GLRA3: variants seen among roughly 807,000 people sequenced by gnomAD.
The protein encoded by GLRA3 is glycine receptor subunit alpha-3.
A neutral mutation model predicts 60.4 loss-of-function variants in GLRA3; 44 were observed. The observed-to-expected ratio is 0.73, with a 90% CI of 0.57 to 0.94. GLRA3 has a LOEUF of 0.94. Ranked by LOEUF, GLRA3 falls within the 40% of genes least tolerant of loss-of-function variation. GLRA3 has a pLI of 0.00. For synonymous variants in GLRA3, 223 were observed against 192.9 expected (o/e 1.16, Z -1.29); for missense variants, 508 against 564.6 (o/e 0.90, Z 1.02).
chr4:174,819,182 A>G (rs1740635757), intron 1 of GLRA3, among the ~76,000 whole-genome samples: 1 of 152,228 alleles, frequency 6.6e-6, no homozygotes, highest in Non-Finnish European at 1.5e-5. Context: ...CACCAACTGG[A>G]CAAGTGAATA....
intron 2 of GLRA3, among the ~76,000 whole-genome samples, chr4:174,779,415 T>C (rs1273660026): frequency 1.3e-5 from 2 of 152,146 alleles, no homozygotes; most frequent in East Asian, 1.9e-4. Flanking sequence ...GACTCTCCTC[T>C]TCCAAAGGAA....
At chr4:174,674,535 G>C (rs991819860) in intron 7 of GLRA3, among the ~76,000 whole-genome samples, 9 of 152,104 alleles carry the variant, frequency 5.9e-5, no homozygotes, top group Admixed American at 5.2e-4. Context: ...CTAGAAGCTG[G>C]CTAAAGTACA....
At chr4:174,648,187 G>A (rs1194554069) in intron 9 of GLRA3, among the ~76,000 whole-genome samples, 1 of 152,154 alleles carries the variant, frequency 6.6e-6, no homozygotes, top group Non-Finnish European at 1.5e-5. Flanking sequence ...AGGACTGAGT[G>A]TGGCAGCTTA....
intron 3 of GLRA3, among the ~76,000 whole-genome samples, chr4:174,742,179 A>T (rs1737055105): frequency 6.6e-6 from 1 of 152,204 alleles, no homozygotes; most frequent in African/African-American, 2.4e-5. Context: ...GACAAGCTAA[A>T]ATTGAATCTG....
chr4:174,766,830 T>A (rs1738159998), intron 3 of GLRA3, 133 bp downstream of exon 3: 3 of 535,176 alleles, frequency 5.6e-6, no homozygotes, highest in Non-Finnish European at 1.0e-5. Context: ...GTGACTGTAA[T>A]TTAATTATAC....
intron 8 of GLRA3, among the ~76,000 whole-genome samples, chr4:174,658,683 G>C (rs1733306716): frequency 6.6e-6 from 1 of 152,028 alleles, no homozygotes; most frequent in Non-Finnish European, 1.5e-5. Flanking sequence ...CTCTGACAAA[G>C]GAACATGAAT....
At chr4:174,771,188 A>C in intron 2 of GLRA3, among the ~76,000 whole-genome samples, 1 of 152,058 alleles carries the variant, frequency 6.6e-6, no homozygotes, top group East Asian at 1.9e-4. Flanking sequence ...CATATGTAAC[A>C]AACCTGCACA....
chr4:174,680,319 C>T (rs1488179457), intron 6 of GLRA3, among the ~76,000 whole-genome samples: 1 of 151,938 alleles, frequency 6.6e-6, no homozygotes, highest in Non-Finnish European at 1.5e-5. Flanking sequence ...TGGCAGCAGA[C>T]CCCAGAAATA....
chr4:174,778,468 A>T (rs1221055915), intron 2 of GLRA3, among the ~76,000 whole-genome samples: 1 of 151,944 alleles, frequency 6.6e-6, no homozygotes, highest in Non-Finnish European at 1.5e-5. Context: ...CACAGGGGGG[A>T]TGAGCCAAGA....
intron 4 of GLRA3, among the ~76,000 whole-genome samples, chr4:174,720,498 A>T (rs1736090054): frequency 6.6e-6 from 1 of 152,184 alleles, no homozygotes; most frequent in African/African-American, 2.4e-5. Context: ...TTAGAAGTAA[A>T]GAGACTTAAC....
intron 1 of GLRA3, among the ~76,000 whole-genome samples, chr4:174,795,967 G>A (rs1739549413): frequency 6.6e-6 from 1 of 152,108 alleles, no homozygotes; most frequent in South Asian, 2.1e-4. Context: ...AGAAAATTCT[G>A]AAAAGATTAA....
intron 7 of GLRA3, among the ~76,000 whole-genome samples, chr4:174,661,260 A>C (rs1024271910): frequency 6.6e-6 from 1 of 152,090 alleles, no homozygotes; most frequent in Non-Finnish European, 1.5e-5. Context: ...ATCAAACATG[A>C]GCTTACATTA....
chr4:174,772,593 AAATAAG>A (rs1289482085), intron 2 of GLRA3, among the ~76,000 whole-genome samples: 7 of 152,234 alleles, frequency 4.6e-5, no homozygotes, highest in African/African-American at 1.4e-4. Flanking sequence ...ACATATGCAT[AAATAAG>A]AATAACTTAA....
chr4:174,818,655 C>T (rs1051535448), intron 1 of GLRA3, among the ~76,000 whole-genome samples: 3 of 152,066 alleles, frequency 2.0e-5, no homozygotes, highest in Non-Finnish European at 4.4e-5. Flanking sequence ...GTTTTAAGGT[C>T]TTTACAAAGA....
chr4:174,725,448 T>G (rs1332105518), intron 4 of GLRA3, among the ~76,000 whole-genome samples: 1 of 152,222 alleles, frequency 6.6e-6, no homozygotes, highest in Non-Finnish European at 1.5e-5. Context: ...AAATTTATCA[T>G]GGCTACTTTA....
intron 4 of GLRA3, among the ~76,000 whole-genome samples, chr4:174,716,205 C>T (rs1321911085): frequency 2.0e-5 from 3 of 152,020 alleles, no homozygotes; most frequent in Non-Finnish European, 4.4e-5. Context: ...CCTCATGTTC[C>T]CCGGTGTGGG....
chr4:174,722,982 T>C (rs1736187799), intron 4 of GLRA3: 1 of 167,322 alleles, frequency 6.0e-6, no homozygotes, highest in Admixed American at 6.5e-5. Flanking sequence ...TCATTTGAAT[T>C]CATACTGAAA....
chr4:174,716,343 G>A (rs73004524), intron 4 of GLRA3, among the ~76,000 whole-genome samples: 140 of 152,194 alleles, frequency 9.2e-4, no homozygotes, highest in African/African-American at 3.2e-3. Flanking sequence ...CCAGTATTCC[G>A]CTCATTGGAA....
chr4:174,757,297 A>T (rs1054041313), intron 3 of GLRA3, among the ~76,000 whole-genome samples: 2 of 147,334 alleles, frequency 1.4e-5, no homozygotes, highest in Non-Finnish European at 3.0e-5. Flanking sequence ...ACACACACAC[A>T]CTTCCAAGCT....
Sources: allele counts gnomAD v4.1 joint callset (sites outside exome capture counted in the v4.1 genomes callset), GRCh38; gene constraint gnomAD v4.1.1; transcripts MANE v1.5; gene names NCBI Gene and HGNC (gene_info 2026-07-23, HGNC 2026-07-21).